UBE3D: variants seen among roughly 807,000 people sequenced by gnomAD.
UBE3D encodes the protein ubiquitin protein ligase E3D, also known as E3 ubiquitin-protein ligase E3D.
Under a neutral mutation model 49.6 loss-of-function variants are expected in UBE3D, and 48 were observed. The observed-to-expected ratio is 0.97, with a 90% CI of 0.77 to 1.23. The LOEUF (loss-of-function observed/expected upper bound fraction) is 1.23, where lower values mean the gene tolerates loss of function less well. UBE3D is among the 50% of genes most tolerant of loss of function. UBE3D has a pLI of 0.00. For missense variants in UBE3D, 452 were observed against 468.4 expected (o/e 0.96, Z 0.32); for synonymous variants, 189 against 174.2 (o/e 1.08, Z -0.67).
intron 9 of UBE3D, among the ~76,000 whole-genome samples, chr6:82,937,244 G>A (rs1774647321): frequency 6.6e-6 from 1 of 152,164 alleles, no homozygotes; most frequent in Admixed American, 6.5e-5. Context: ...GGAGGCTTGA[G>A]AACAGTTTCA....
chr6:83,019,501 T>C lies in UBE3D; in HGVS notation c.847-365A>G, dbSNP rs139046724. 3.5e-3 allele frequency among the ~76,000 whole-genome samples: 533 copies of C among 152,310 alleles called. 2 individuals carry two copies. Among genetic ancestry groups the C allele is most frequent in the Non-Finnish European group, 5.9e-3 (403 of 68,024 alleles). On this transcript the variant is annotated intron_variant, in intron 7 of 9. Coordinates refer to ENST00000369747, the MANE Select transcript of UBE3D (RefSeq NM_198920.3). ...AAATAAACATATATTAGAATCTTAATGTAACTAATAAATGTAAAATTTTGT... is the reference window on the plus strand; with the variant it reads ...AAATAAACATATATTAGAATCTTAACGTAACTAATAAATGTAAAATTTTGT...
intron 4 of UBE3D, among the ~76,000 whole-genome samples, chr6:83,040,401 CTCTA>C (rs58954863): frequency 0.56 from 75,790 of 136,168 alleles, 20,181 homozygotes; most frequent in East Asian, 0.66. Flanking sequence ...CTCTCTCTCT[CTCTA>C]TATATATATA....
intron 9 of UBE3D, among the ~76,000 whole-genome samples, chr6:82,899,224 C>A (rs1451711733): frequency 6.6e-6 from 1 of 152,122 alleles, no homozygotes; most frequent in Non-Finnish European, 1.5e-5. Flanking sequence ...AAGGACCAAA[C>A]AAAACACCAA....
chr6:83,056,317 A>C (rs1281605028), intron 2 of UBE3D, among the ~76,000 whole-genome samples: 1 of 152,100 alleles, frequency 6.6e-6, no homozygotes, highest in Non-Finnish European at 1.5e-5. Flanking sequence ...GCCTTTCCCA[A>C]ATCTCAGAAC....
At chr6:82,897,111 A>T (rs1401115209) in intron 9 of UBE3D, among the ~76,000 whole-genome samples, 2 of 152,094 alleles carry the variant, frequency 1.3e-5, no homozygotes, top group African/African-American at 4.8e-5. Flanking sequence ...AGGACTCTTT[A>T]CACTAAGTAG....
chr6:82,975,499 C>A (rs1296146495), intron 8 of UBE3D, among the ~76,000 whole-genome samples: 1 of 152,072 alleles, frequency 6.6e-6, no homozygotes, highest in Non-Finnish European at 1.5e-5. Context: ...ATTCTGCTTG[C>A]CTTCTTCAAT....
intron 8 of UBE3D, among the ~76,000 whole-genome samples, chr6:83,001,336 T>C (rs903031883): frequency 1.3e-5 from 2 of 152,212 alleles, no homozygotes; most frequent in Admixed American, 1.3e-4. Context: ...TCCTAATACC[T>C]AGCACAAGAG....
intron 9 of UBE3D, among the ~76,000 whole-genome samples, chr6:82,936,962 C>T (rs117942048): frequency 0.021 from 3,269 of 152,286 alleles, 66 homozygotes; most frequent in Middle Eastern, 0.082. Context: ...GGTCCAGTCA[C>T]GCTGGTTGCT....
chr6:82,950,603 T>C (rs1031349324), intron 9 of UBE3D, among the ~76,000 whole-genome samples: 12 of 152,094 alleles, frequency 7.9e-5, no homozygotes, highest in African/African-American at 2.9e-4. Flanking sequence ...CACTCCTAGG[T>C]AGGTACCCAA....
chr6:83,003,508 T>C (rs1468352963), intron 8 of UBE3D, among the ~76,000 whole-genome samples: 6 of 152,186 alleles, frequency 3.9e-5, no homozygotes, highest in South Asian at 2.1e-4. Flanking sequence ...GTTTAGGCCA[T>C]TGTACAGTCA....
At chr6:83,048,836 T>C (rs961643654) in intron 3 of UBE3D, among the ~76,000 whole-genome samples, 3 of 152,188 alleles carry the variant, frequency 2.0e-5, no homozygotes, top group Non-Finnish European at 4.4e-5. Context: ...CTGAAAAATA[T>C]ACTTTGATAT....
At chr6:82,944,652 G>C (rs1192400311) in intron 9 of UBE3D, among the ~76,000 whole-genome samples, 1 of 152,224 alleles carries the variant, frequency 6.6e-6, no homozygotes, top group Non-Finnish European at 1.5e-5. Flanking sequence ...AGAGCACAAA[G>C]CAGGTTCTTT....
intron 8 of UBE3D, among the ~76,000 whole-genome samples, chr6:82,966,149 C>T (rs1445572459): frequency 6.6e-6 from 1 of 151,954 alleles, no homozygotes; most frequent in Non-Finnish European, 1.5e-5. Flanking sequence ...TAAGGCATTC[C>T]TCATCTGTAT....
At chr6:83,051,659 T>C (rs1783478130) in intron 3 of UBE3D, among the ~76,000 whole-genome samples, 1 of 152,232 alleles carries the variant, frequency 6.6e-6, no homozygotes, top group Non-Finnish European at 1.5e-5. Context: ...TTGGTTCAAC[T>C]ACAATGTAAA....
chr6:83,041,349 TCAA>T (rs958696844), intron 4 of UBE3D, among the ~76,000 whole-genome samples: 4 of 152,190 alleles, frequency 2.6e-5, no homozygotes, highest in African/African-American at 9.7e-5. Flanking sequence ...AAAAATCAGC[TCAA>T]CAACAACCAA....
chr6:82,955,359 C>T lies in UBE3D; in HGVS notation c.1149+1953G>A, dbSNP rs150311155. Reference sequence around the variant, plus strand: ...GATGACTGTTCTATTTCCCCCAATACGCCGTAAAATCCTTTAAGTCAGAGT... The same window carrying T: ...GATGACTGTTCTATTTCCCCCAATATGCCGTAAAATCCTTTAAGTCAGAGT... On this transcript the variant is annotated intron_variant, in intron 9 of 9. Transcript: ENST00000369747. 1.6e-3 allele frequency among the ~76,000 whole-genome samples: 238 copies of T among 152,262 alleles called. 1 individual carries two copies. The highest frequency in any genetic ancestry group is 5.4e-3 in the African/African-American group (225 of 41,554).
chr6:82,978,080 G>A (rs1483632163), intron 8 of UBE3D, among the ~76,000 whole-genome samples: 1 of 149,844 alleles, frequency 6.7e-6, no homozygotes, highest in Admixed American at 6.6e-5. Flanking sequence ...AAGGGCATAA[G>A]CCAAAGATAC....
intron 8 of UBE3D, among the ~76,000 whole-genome samples, chr6:82,986,634 A>T (rs965606577): frequency 6.7e-6 from 1 of 149,478 alleles, no homozygotes; most frequent in Non-Finnish European, 1.5e-5. Context: ...ACTTGAAAAA[A>T]ATATATACAT....
chr6:82,997,697 C>T (rs756066747), intron 8 of UBE3D, among the ~76,000 whole-genome samples: 8 of 151,722 alleles, frequency 5.3e-5, no homozygotes, highest in Non-Finnish European at 8.8e-5. Flanking sequence ...CCAGCCTGGG[C>T]GACACAGCAA....
Sources: allele counts gnomAD v4.1 joint callset (sites outside exome capture counted in the v4.1 genomes callset), GRCh38; gene constraint gnomAD v4.1.1; transcripts MANE v1.5; gene names NCBI Gene and HGNC (gene_info 2026-07-23, HGNC 2026-07-21).